Variants in ERGIC1 observed in about 807,000 individuals in gnomAD.
ERGIC1 encodes endoplasmic reticulum-golgi intermediate compartment 1.
A neutral mutation model predicts 38.3 loss-of-function variants in ERGIC1; 19 were observed. The observed-to-expected ratio is 0.50, with a 90% CI of 0.35 to 0.73. The LOEUF is 0.73. Ranked by LOEUF, ERGIC1 falls within the 30% of genes least tolerant of loss-of-function variation. The pLI is 0.01. For synonymous variants in ERGIC1, 124 were observed against 157.6 expected (o/e 0.79, Z 1.60); for missense variants, 294 against 389.2 (o/e 0.76, Z 2.06).
rs377197788 is a variant in ERGIC1 at position 172,942,091 on chromosome 5, C to T, written c.765+6781C>T. Among the ~76,000 whole-genome samples, 110 of 152,248 alleles carry T rather than the reference C, an allele frequency of 7.2e-4. 1 individual carries two copies. In the South Asian group the frequency reaches 0.02, roughly 27 times the overall value. On this transcript the variant is annotated intron_variant, in intron 9 of 9. Coordinates refer to ENST00000393784, the MANE Select transcript of ERGIC1 (RefSeq NM_001031711.3). ...TGGTGCACACCTTTAATCTCAACTA[C>T]GTGGGACGCTGAGGCAGGAGAATCG...
At chr5:172,861,682 C>G (rs557604376) in intron 1 of ERGIC1, among the ~76,000 whole-genome samples, 1 of 152,154 alleles carries the variant, frequency 6.6e-6, no homozygotes, top group Non-Finnish European at 1.5e-5. Context: ...GTAAATAATG[C>G]GTGTGTCAGC....
At chr5:172,932,193 A>G (rs557055422) in intron 7 of ERGIC1, among the ~76,000 whole-genome samples, 1 of 152,220 alleles carries the variant, frequency 6.6e-6, no homozygotes, top group Admixed American at 6.5e-5. Context: ...CTATTGATGG[A>G]CATTTGGGTT....
At chr5:172,950,162 T>G (rs1248538880) in intron 9 of ERGIC1, among the ~76,000 whole-genome samples, 2 of 152,212 alleles carry the variant, frequency 1.3e-5, no homozygotes, top group Non-Finnish European at 1.5e-5. Flanking sequence ...AATTTTGCAT[T>G]TATTGGTATG....
intron 2 of ERGIC1, among the ~76,000 whole-genome samples, chr5:172,894,471 G>A (rs1235139439): frequency 6.6e-6 from 1 of 152,084 alleles, no homozygotes; most frequent in African/African-American, 2.4e-5. Flanking sequence ...TGGGGTTACA[G>A]GCATGAGCCA....
intron 1 of ERGIC1, among the ~76,000 whole-genome samples, chr5:172,845,427 C>G (rs551011237): frequency 2.0e-5 from 3 of 152,260 alleles, no homozygotes; most frequent in South Asian, 2.1e-4. Context: ...GTCCTCTTGC[C>G]GGAGGATGCT....
chr5:172,930,233 CAAATAT>C (rs1763747582), intron 7 of ERGIC1, among the ~76,000 whole-genome samples: 1 of 149,258 alleles, frequency 6.7e-6, no homozygotes, highest in Non-Finnish European at 1.5e-5. Context: ...TAGGAAAATA[CAAATAT>C]ATGTATAAAC....
intron 2 of ERGIC1, among the ~76,000 whole-genome samples, chr5:172,890,600 C>T (rs1329207538): frequency 1.3e-5 from 2 of 152,212 alleles, no homozygotes; most frequent in African/African-American, 2.4e-5. Flanking sequence ...AAACCAAAGC[C>T]ACCTTGCAAA....
At chr5:172,889,154 C>A (rs1183691552) in intron 2 of ERGIC1, among the ~76,000 whole-genome samples, 1 of 152,042 alleles carries the variant, frequency 6.6e-6, no homozygotes, top group Non-Finnish European at 1.5e-5. Context: ...CATGGTGGTA[C>A]ATGCCTGTAG....
intron 1 of ERGIC1, among the ~76,000 whole-genome samples, chr5:172,886,034 T>A (rs1762409272): frequency 6.6e-6 from 1 of 152,080 alleles, no homozygotes; most frequent in Non-Finnish European, 1.5e-5. Flanking sequence ...GATGGCCGCC[T>A]GCTGGTTTGT....
intron 1 of ERGIC1, among the ~76,000 whole-genome samples, chr5:172,868,000 A>C (rs1455488209): frequency 3.3e-5 from 5 of 152,202 alleles, no homozygotes; most frequent in Admixed American, 6.5e-5. Flanking sequence ...TTTGAGCCGA[A>C]AGCTGGGTTG....
At chr5:172,836,080 T>C (rs1761029249) in intron 1 of ERGIC1, among the ~76,000 whole-genome samples, 1 of 152,214 alleles carries the variant, frequency 6.6e-6, no homozygotes. Flanking sequence ...TTTGATCTTT[T>C]AATCCTTTCT....
At chr5:172,924,228 C>A in intron 6 of ERGIC1, 119 bp downstream of exon 6, 2 of 964,808 alleles carry the variant, frequency 2.1e-6, no homozygotes, top group African/African-American at 1.6e-5. Context: ...GACATCTAAG[C>A]CAAGCCTGGA....
At chr5:172,928,595 C>T (rs752859026) in intron 7 of ERGIC1, among the ~76,000 whole-genome samples, 17 of 152,096 alleles carry the variant, frequency 1.1e-4, no homozygotes, top group East Asian at 3.8e-4. Flanking sequence ...TTGGCTGTTG[C>T]GCCAGCTATA....
At chr5:172,905,913 T>C (rs889012244) in intron 3 of ERGIC1, 2 of 371,208 alleles carry the variant, frequency 5.4e-6, no homozygotes, top group Non-Finnish European at 1.1e-5. Context: ...ACTGTTTCTT[T>C]ACCTCCTGCT....
At chr5:172,851,381 C>T (rs1761400734) in intron 1 of ERGIC1, among the ~76,000 whole-genome samples, 1 of 150,772 alleles carries the variant, frequency 6.6e-6, no homozygotes, top group African/African-American at 2.5e-5. Flanking sequence ...TGGTGGCATG[C>T]ACCAGTAGTC....
chr5:172,870,074 C>G (rs570595108), intron 1 of ERGIC1, among the ~76,000 whole-genome samples: 1 of 152,200 alleles, frequency 6.6e-6, no homozygotes, highest in East Asian at 1.9e-4. Context: ...TCTCTTCTTG[C>G]TGTATCTTTC....
At chr5:172,863,240 C>A (rs951243991) in intron 1 of ERGIC1, among the ~76,000 whole-genome samples, 1 of 152,206 alleles carries the variant, frequency 6.6e-6, no homozygotes, top group Non-Finnish European at 1.5e-5. Flanking sequence ...CGTGAGCCAT[C>A]GTGCCTGGCC....
intron 1 of ERGIC1, among the ~76,000 whole-genome samples, chr5:172,871,271 C>T (rs1762000767): frequency 6.6e-6 from 1 of 152,200 alleles, no homozygotes; most frequent in South Asian, 2.1e-4. Context: ...CTGGCCACTC[C>T]AGCTGTATCA....
chr5:172,950,860 C>A lies in ERGIC1; in HGVS notation c.*44C>A, dbSNP rs2113501501. 3.9e-6 allele frequency: 6 copies of A among 1,547,358 alleles called. No individual in the cohort carries two copies. The highest frequency in any genetic ancestry group is 4.4e-6 in the Non-Finnish European group (5 of 1,131,560). On this transcript the variant is annotated 3_prime_UTR_variant, in exon 10 of 10. Transcript: ENST00000393784. Reference sequence around the variant, plus strand: ...GGCCGAGGACCCTGGGCATCGCCAGCCTTGCCTCCAGTGCCCTGTCTCCTT... The same window carrying A: ...GGCCGAGGACCCTGGGCATCGCCAGACTTGCCTCCAGTGCCCTGTCTCCTT...
Sources: gnomAD v4.1 joint callset for allele counts (sites outside exome capture counted in the v4.1 genomes callset) on GRCh38, gnomAD v4.1.1 for gene constraint, MANE v1.5 for transcripts, NCBI Gene and HGNC (gene_info 2026-07-23, HGNC 2026-07-21) for gene names.